Variants in RAP1A observed in about 807,000 individuals in gnomAD.
RAP1A encodes RAP1A, member of RAS oncogene family, also known as ras-related protein Rap-1A.
Under a neutral mutation model 26.4 loss-of-function variants are expected in RAP1A, and 6 were observed. That is an observed-to-expected ratio of 0.23 (90% CI 0.12 to 0.45). RAP1A has a LOEUF of 0.45. Ranked by LOEUF, RAP1A falls within the 20% of genes least tolerant of loss-of-function variation. RAP1A has a pLI of 0.99. For missense variants in RAP1A, 121 were observed against 217.2 expected (o/e 0.56, Z 2.78); for synonymous variants, 73 against 79.4 (o/e 0.92, Z 0.43).
intron 1 of RAP1A, among the ~76,000 whole-genome samples, chr1:111,624,928 GA>G (rs1028442033): frequency 3.3e-5 from 5 of 150,758 alleles, no homozygotes; most frequent in Non-Finnish European, 5.9e-5. Context: ...AGATAAATCT[GA>G]AAAAAAAATT....
Position 111,705,420 on chromosome 1 carries a change from T to C in RAP1A, c.468+934T>C, listed in dbSNP as rs545966719. On this transcript the variant is annotated intron_variant, in intron 6 of 7. Transcript: ENST00000369709. ...CTGCTGGCCACTTTTTCTTGACTAA[T>C]ATTATGCTTATAGACTATTTGACTT... Among the ~76,000 whole-genome samples the C allele has an allele frequency of 1.5e-3, 231 of 152,266 alleles. 1 individual carries two copies. The highest frequency in any genetic ancestry group is 4.8e-3 in the African/African-American group (201 of 41,536).
chr1:111,561,239 T>C (rs1049701276), intron 1 of RAP1A, among the ~76,000 whole-genome samples: 3 of 152,184 alleles, frequency 2.0e-5, no homozygotes, highest in Non-Finnish European at 4.4e-5. Context: ...TCCTCCCACT[T>C]CAGCCTCCCA....
chr1:111,629,378 G>A (rs577104302), intron 1 of RAP1A, among the ~76,000 whole-genome samples: 6 of 152,000 alleles, frequency 3.9e-5, no homozygotes, highest in Non-Finnish European at 7.4e-5. Context: ...ATAATATAAA[G>A]CAAGTTAGCC....
chr1:111,646,623 C>T (rs1029879777), intron 1 of RAP1A, among the ~76,000 whole-genome samples: 11 of 152,044 alleles, frequency 7.2e-5, no homozygotes, highest in Admixed American at 6.6e-4. Flanking sequence ...TCACTGCAAG[C>T]TCCACCTCCC....
At chr1:111,573,929 A>G (rs763921492) in intron 1 of RAP1A, among the ~76,000 whole-genome samples, 1 of 152,062 alleles carries the variant, frequency 6.6e-6, no homozygotes, top group African/African-American at 2.4e-5. Context: ...TGTTGATAGT[A>G]TCTTTTGCTG....
At chr1:111,625,093 A>G (rs1198899796) in intron 1 of RAP1A, among the ~76,000 whole-genome samples, 1 of 152,232 alleles carries the variant, frequency 6.6e-6, no homozygotes, top group Non-Finnish European at 1.5e-5. Context: ...ATTAGGCCAT[A>G]TTTCATAAGA....
At chr1:111,665,423 G>A (rs146170180) in intron 1 of RAP1A, among the ~76,000 whole-genome samples, 132 of 152,166 alleles carry the variant, frequency 8.7e-4, no homozygotes, top group African/African-American at 3.0e-3. Flanking sequence ...GCTATACTTG[G>A]CATAATTTAG....
chr1:111,675,145 C>G (rs1434521890), intron 1 of RAP1A, among the ~76,000 whole-genome samples: 1 of 152,082 alleles, frequency 6.6e-6, no homozygotes, highest in Non-Finnish European at 1.5e-5. Flanking sequence ...TATTCCTATT[C>G]AGTTTTTTGC....
chr1:111,653,537 AGCTGGGCGTGGT>A (rs1660346023), intron 1 of RAP1A, among the ~76,000 whole-genome samples: 1 of 151,876 alleles, frequency 6.6e-6, no homozygotes, highest in African/African-American at 2.4e-5. Flanking sequence ...ACAAAAGATT[AGCTGGGCGTGGT>A]GGCACATGCC....
chr1:111,709,323 G>T, intron 7 of RAP1A, 59 bp downstream of exon 7: 1 of 1,459,448 alleles, frequency 6.9e-7, no homozygotes, highest in Non-Finnish European at 9.1e-7. Flanking sequence ...GCTTTTTCCA[G>T]ACTTTAGCTA....
chr1:111,569,851 G>A (rs1658012708), intron 1 of RAP1A, among the ~76,000 whole-genome samples: 1 of 152,056 alleles, frequency 6.6e-6, no homozygotes, highest in African/African-American at 2.4e-5. Flanking sequence ...AAAATGTTTG[G>A]GGGACACAGG....
chr1:111,619,778 G>C (rs574620139), upstream of RAP1A: 1 of 397,430 alleles, frequency 2.5e-6, no homozygotes, highest in Admixed American at 4.4e-5. Flanking sequence ...GCGCGTTCTG[G>C]AGGAGGCGCC....
chr1:111,570,823 G>T (rs1228995858), intron 1 of RAP1A, among the ~76,000 whole-genome samples: 1 of 152,180 alleles, frequency 6.6e-6, no homozygotes, highest in Admixed American at 6.5e-5. Context: ...ACTCACTAAA[G>T]AGCAGCACCA....
chr1:111,617,929 G>A (rs1477777981), upstream of RAP1A, among the ~76,000 whole-genome samples: 1 of 151,820 alleles, frequency 6.6e-6, no homozygotes, highest in Non-Finnish European at 1.5e-5. Flanking sequence ...TGTAATCCCA[G>A]CTGCTTTGGA....
intron 1 of RAP1A, among the ~76,000 whole-genome samples, chr1:111,603,355 A>C (rs982196933): frequency 3.2e-4 from 49 of 152,146 alleles, no homozygotes; most frequent in Admixed American, 3.2e-3. Flanking sequence ...TAATGACAAC[A>C]AAGGAAAATT....
chr1:111,691,537 T>C (rs956739781), intron 2 of RAP1A, 120 bp downstream of exon 2: 2 of 833,452 alleles, frequency 2.4e-6, no homozygotes, highest in Non-Finnish European at 2.0e-6. Flanking sequence ...ATCTGATATC[T>C]GTCCCACAAA....
At chr1:111,651,806 G>A (rs890495731) in intron 1 of RAP1A, among the ~76,000 whole-genome samples, 1 of 151,958 alleles carries the variant, frequency 6.6e-6, no homozygotes, top group African/African-American at 2.4e-5. Flanking sequence ...TTGAGACAGC[G>A]TTTCACCATG....
At chr1:111,648,205 A>T (rs12136511) in intron 1 of RAP1A, 16 of 271,568 alleles carry the variant, frequency 5.9e-5, no homozygotes, top group East Asian at 2.0e-4. Context: ...GTGTGTGTGT[A>T]TTTTTTTTTT....
intron 6 of RAP1A, among the ~76,000 whole-genome samples, chr1:111,708,617 A>G (rs1662274507): frequency 6.6e-6 from 1 of 152,256 alleles, no homozygotes; most frequent in Admixed American, 6.5e-5. Flanking sequence ...CTGTAGTTAT[A>G]CAAAATAATG....
Sources: allele counts gnomAD v4.1 joint callset (sites outside exome capture counted in the v4.1 genomes callset), GRCh38; gene constraint gnomAD v4.1.1; transcripts MANE v1.5; gene names NCBI Gene and HGNC (gene_info 2026-07-23, HGNC 2026-07-21).